The following KLHL4 variants were observed in gnomAD, a reference collection of about 807,000 sequenced individuals.
KLHL4 encodes kelch-like protein 4.
KLHL4 carries 17 observed loss-of-function variants against 45.8 expected under a neutral mutation model. The ratio of observed to expected loss-of-function variants is 0.37; its 90% CI spans 0.25 to 0.56. The LOEUF (loss-of-function observed/expected upper bound fraction) is 0.56. Among genes scored for constraint, KLHL4 ranks in the 20% least tolerant of loss-of-function variants. The pLI, the probability that KLHL4 is intolerant of heterozygous loss-of-function variation, is 0.79. For synonymous variants in KLHL4, 224 were observed against 189.9 expected (o/e 1.18, Z -1.47); for missense variants, 544 against 544.9 (o/e 1.00, Z 0.02).
chrX:87,532,773 T>C (rs182544260), intron 1 of KLHL4, among the ~76,000 whole-genome samples: 3 of 109,618 alleles, frequency 2.7e-5, no homozygotes, highest in African/African-American at 1.0e-4. Context: ...GTGATTTTTG[T>C]ACATTGATTT....
chrX:87,602,654 T>A (rs1302294766), intron 1 of KLHL4, among the ~76,000 whole-genome samples: 1 of 111,670 alleles, frequency 9.0e-6, no homozygotes, highest in Non-Finnish European at 1.9e-5. Context: ...TCTATGATGT[T>A]TGCACAAGAA....
At chrX:87,540,358 T>A (rs1931524919) in intron 1 of KLHL4, among the ~76,000 whole-genome samples, 1 of 112,287 alleles carries the variant, frequency 8.9e-6, no homozygotes, top group African/African-American at 3.2e-5. Flanking sequence ...ATTTTTTAAC[T>A]TTATATTTTT....
At chrX:87,575,194 T>A (rs935927897) in intron 1 of KLHL4, among the ~76,000 whole-genome samples, 5 of 111,782 alleles carry the variant, frequency 4.5e-5, no homozygotes, top group Non-Finnish European at 9.4e-5. Flanking sequence ...CGCGGTCTGA[T>A]AGGAACCAGG....
chrX:87,575,450 C>A (rs970217799), intron 1 of KLHL4, among the ~76,000 whole-genome samples: 1 of 111,723 alleles, frequency 9.0e-6, no homozygotes, highest in Non-Finnish European at 1.9e-5. Flanking sequence ...TTGTCTTCCA[C>A]GAAACCAGTC....
chrX:87,561,803 C>G (rs1399630391), intron 1 of KLHL4, among the ~76,000 whole-genome samples: 1 of 108,854 alleles, frequency 9.2e-6, no homozygotes, highest in Non-Finnish European at 1.9e-5. Context: ...ATCTGGAGAC[C>G]AGTTGAGCTA....
At chrX:87,623,288 C>CTTTTTTTT (rs67869297) in intron 5 of KLHL4, among the ~76,000 whole-genome samples, 617 of 50,020 alleles carry the variant, frequency 0.012, 10 homozygotes, top group Middle Eastern at 0.047. Context: ...TTCCTTTTTT[C>CTTTTTTTT]TTTTTTTTTT....
chrX:87,660,122 A>C (rs757289393), intron 9 of KLHL4, among the ~76,000 whole-genome samples: 3 of 111,796 alleles, frequency 2.7e-5, no homozygotes, highest in Non-Finnish European at 5.6e-5. Flanking sequence ...TAAAAAGGAC[A>C]GATTCCACAA....
intron 1 of KLHL4, among the ~76,000 whole-genome samples, chrX:87,525,574 T>C (rs1477548806): frequency 9.0e-6 from 1 of 111,464 alleles, no homozygotes. Flanking sequence ...AAAATAACTA[T>C]CTAAGAAAAG....
chrX:87,597,806 G>A (rs1362850528), intron 1 of KLHL4, among the ~76,000 whole-genome samples: 3 of 111,104 alleles, frequency 2.7e-5, no homozygotes, highest in African/African-American at 9.8e-5. Flanking sequence ...TGTACATAGT[G>A]AGTCTTCAAT....
chrX:87,608,835 A>G (rs917593065), intron 1 of KLHL4, among the ~76,000 whole-genome samples: 1 of 111,038 alleles, frequency 9.0e-6, no homozygotes, highest in African/African-American at 3.3e-5. Context: ...ATATGTATAC[A>G]TGTGCCATGC....
chrX:87,596,461 T>C (rs1386227362), intron 1 of KLHL4, among the ~76,000 whole-genome samples: 1 of 112,161 alleles, frequency 8.9e-6, no homozygotes, highest in African/African-American at 3.2e-5. Context: ...ATTCCTTTCA[T>C]TTTGAGCAGA....
At chrX:87,636,515 A>G (rs1923268093) in intron 9 of KLHL4, among the ~76,000 whole-genome samples, 1 of 111,819 alleles carries the variant, frequency 8.9e-6, no homozygotes, top group Non-Finnish European at 1.9e-5. Flanking sequence ...CTGCGCAGGG[A>G]TAGCCGTAGC....
chrX:87,586,217 G>T (rs6614700), intron 1 of KLHL4, among the ~76,000 whole-genome samples: 1 of 109,795 alleles, frequency 9.1e-6, no homozygotes, highest in Non-Finnish European at 1.9e-5. Context: ...TGGATAGATC[G>T]TGTAGACAGA....
At chrX:87,603,068 G>A (rs946781803) in intron 1 of KLHL4, among the ~76,000 whole-genome samples, 12 of 111,614 alleles carry the variant, frequency 1.1e-4, no homozygotes, top group Non-Finnish European at 1.5e-4. Flanking sequence ...GAGCAACAGA[G>A]CAGGGAATTA....
intron 8 of KLHL4, among the ~76,000 whole-genome samples, chrX:87,634,953 CAT>C (rs1278647473): frequency 9.0e-6 from 1 of 111,407 alleles, no homozygotes; most frequent in Non-Finnish European, 1.9e-5. Context: ...TTTATTAATA[CAT>C]GATAACTTTA....
chrX:87,552,086 A>G (rs1931839317), intron 1 of KLHL4, among the ~76,000 whole-genome samples: 1 of 111,773 alleles, frequency 8.9e-6, no homozygotes, highest in South Asian at 3.7e-4. Flanking sequence ...TGGCAAAAAA[A>G]CAGTCACCTG....
intron 1 of KLHL4, among the ~76,000 whole-genome samples, chrX:87,599,366 G>A (rs1227928049): frequency 9.0e-6 from 1 of 111,299 alleles, no homozygotes; most frequent in Non-Finnish European, 1.9e-5. Context: ...TCTTAGATGC[G>A]TTAAACTCAG....
chrX:87,660,191 G>A (rs757015188), intron 9 of KLHL4, among the ~76,000 whole-genome samples: 1 of 111,548 alleles, frequency 9.0e-6, no homozygotes, highest in South Asian at 3.7e-4. Flanking sequence ...AAAAGTCATA[G>A]ACAGCACACA....
rs1054715637 is a variant in KLHL4 at position 87,635,498 on chromosome X, A to C, written c.1713-65A>C. The C allele has an allele frequency of 2.2e-5, 19 of 844,881 alleles. No individual in the cohort carries two copies. In the African/African-American group the frequency reaches 3.2e-4, roughly 14 times the overall value. 69.6% of individuals were successfully genotyped at this position (844,881 alleles called of 1,213,427 possible). ...AAGTTCTCTCACTCTCATTCTATGC[A>C]TGCATTTTGTGTGTATATGTATACA... On this transcript the variant is annotated intron_variant, in intron 8 of 10. Coordinates refer to ENST00000373119, the MANE Select transcript of KLHL4 (RefSeq NM_019117.5).
Sources: allele counts gnomAD v4.1 joint callset (sites outside exome capture counted in the v4.1 genomes callset), GRCh38; gene constraint gnomAD v4.1.1; transcripts MANE v1.5; gene names NCBI Gene and HGNC (gene_info 2026-07-23, HGNC 2026-07-21).